The following GPRIN3 variants were observed in gnomAD, a reference collection of about 807,000 sequenced individuals.
The protein encoded by GPRIN3 is GPRIN family member 3, also known as G protein-regulated inducer of neurite outgrowth 3.
GPRIN3 carries 12 observed loss-of-function variants against 13.7 expected under a neutral mutation model. That is an observed-to-expected ratio of 0.87 (90% CI 0.56 to 1.42). GPRIN3 has a LOEUF of 1.42. GPRIN3 is among the 40% of genes most tolerant of loss of function. The probability of loss-of-function intolerance (pLI) is 0.00; values close to 1 mark genes in which losing one functional copy is unlikely to be tolerated. For synonymous variants in GPRIN3, 377 were observed against 372.7 expected (o/e 1.01, Z -0.13); for missense variants, 1,009 against 958.7 (o/e 1.05, Z -0.69).
Position 89,249,461 on chromosome 4 carries a change from C to G in GPRIN3, c.650G>C (p.Gly217Ala). The change falls in exon 2 of 2, where the codon GGT becomes GCT. Residue 217 changes from glycine to alanine, a missense_variant. Coordinates refer to ENST00000609438, the MANE Select transcript of GPRIN3 (RefSeq NM_198281.3). ...RVVSHSSSPV[G>A]GPEGERQGAI... ...TCCCTGCCTTTCCCCTTCAGGTCCACCTACAGGAGAGGATGAGTGACTGAC... is the reference window on the plus strand; with the variant it reads ...TCCCTGCCTTTCCCCTTCAGGTCCAGCTACAGGAGAGGATGAGTGACTGAC... 2 of 1,614,102 alleles carry G rather than the reference C, an allele frequency of 1.2e-6. No homozygotes were observed. Among genetic ancestry groups the G allele is most frequent in the Non-Finnish European group, 1.7e-6 (2 of 1,180,036 alleles).
At chr4:89,282,552 C>T (rs1016824032) in intron 1 of GPRIN3, among the ~76,000 whole-genome samples, 3 of 150,870 alleles carry the variant, frequency 2.0e-5, no homozygotes, top group African/African-American at 7.3e-5. Context: ...TAGCCCAACA[C>T]AAATCTGTAA....
chr4:89,236,395 C>A lies in GPRIN3; in HGVS notation c.*11385G>T, dbSNP rs1289398325. 1 of 151,930 alleles carries A rather than the reference C, an allele frequency of 6.6e-6. No homozygotes were observed. Among genetic ancestry groups the A allele is most frequent in the Non-Finnish European group, 1.5e-5 (1 of 67,996 alleles). 9.4% of individuals were successfully genotyped at this position (151,930 alleles called of 1,614,324 possible). A position where few individuals can be genotyped will look rare whatever the true frequency, so the allele number is the denominator to read the frequency against. On this transcript the variant is annotated 3_prime_UTR_variant, in exon 2 of 2. Transcript: ENST00000609438. The stretch of plus-strand genomic sequence containing the variant: ...CAAAACAAAATTCTTATTATTTATC[C>A]AGATTTATCAAAAGTTTATTAAATA...
Position 89,249,612 on chromosome 4 carries a change from G to T in GPRIN3, c.499C>A (p.Pro167Thr). Residue 167 changes from proline to threonine, a missense_variant, in exon 2 of 2, where the codon CCT becomes ACT. Pro to Thr is a conservative substitution (Grantham distance 38, BLOSUM62 -1). Transcript: ENST00000609438. Reference sequence around the variant, plus strand: ...CCCACAGGACAACTTGGTTTCTCAGGTTGCTCTCTATTTGAGGTTCTCTGT... The same window carrying T: ...CCCACAGGACAACTTGGTTTCTCAGTTTGCTCTCTATTTGAGGTTCTCTGT... ...RSQRTSNREQ[P>T]EKPSCPVGGV... 6.2e-7 allele frequency: 1 copy of T among 1,614,120 alleles called. No homozygotes were observed. Among genetic ancestry groups the T allele is most frequent in the Non-Finnish European group, 8.5e-7 (1 of 1,180,010 alleles).
chr4:89,251,841 T>C (rs959703518), intron 1 of GPRIN3, among the ~76,000 whole-genome samples: 10 of 152,048 alleles, frequency 6.6e-5, no homozygotes, highest in Non-Finnish European at 1.5e-4. Flanking sequence ...AGGTGTTAAA[T>C]AGAGGGAGAG....
rs189077052 is a variant in GPRIN3 at position 89,275,641 on chromosome 4, A to G, written c.-123-25408T>C. On this transcript the variant is annotated intron_variant, in intron 1 of 1. Coordinates refer to ENST00000609438, the MANE Select transcript of GPRIN3 (RefSeq NM_198281.3). ...ATACACTCTTGGAGGAGCAGAATGC[A>G]GCTCTCCTTCCTCCTTTCACCCATT... 1.9e-3 allele frequency among the ~76,000 whole-genome samples: 296 copies of G among 152,334 alleles called. 2 individuals carry two copies. Among genetic ancestry groups the G allele is most frequent in the African/African-American group, 6.9e-3 (287 of 41,574 alleles).
chr4:89,293,720 G>A (rs1724653804), intron 1 of GPRIN3, among the ~76,000 whole-genome samples: 1 of 152,120 alleles, frequency 6.6e-6, no homozygotes, highest in African/African-American at 2.4e-5. Flanking sequence ...CTTCCCAGTT[G>A]CCAGCTCTGC....
intron 1 of GPRIN3, among the ~76,000 whole-genome samples, chr4:89,305,793 C>A (rs1725018323): frequency 6.6e-6 from 1 of 152,196 alleles, no homozygotes; most frequent in African/African-American, 2.4e-5. Flanking sequence ...AATTAAAACA[C>A]TCAAATTTCA....
intron 1 of GPRIN3, among the ~76,000 whole-genome samples, chr4:89,300,056 A>C (rs1724852610): frequency 6.6e-6 from 1 of 152,144 alleles, no homozygotes; most frequent in Non-Finnish European, 1.5e-5. Flanking sequence ...GACTACGTTA[A>C]CTCAATTTTT....
At chr4:89,262,697 A>T (rs1472348859) in intron 1 of GPRIN3, among the ~76,000 whole-genome samples, 1 of 152,236 alleles carries the variant, frequency 6.6e-6, no homozygotes, top group East Asian at 1.9e-4. Context: ...TTCAAAGTCA[A>T]CAGCTGAGAA....
intron 1 of GPRIN3, among the ~76,000 whole-genome samples, chr4:89,294,458 C>T (rs1047293665): frequency 1.5e-4 from 23 of 152,308 alleles, no homozygotes; most frequent in African/African-American, 5.1e-4. Flanking sequence ...TAAATAAATA[C>T]TGCCATGAAG....
Position 89,241,676 on chromosome 4 carries a change from A to G in GPRIN3, c.*6104T>C, listed in dbSNP as rs1722950586. The G allele has an allele frequency of 6.6e-6, 1 of 152,188 alleles. No individual in the cohort carries two copies. The highest frequency in any genetic ancestry group is 1.5e-5 in the Non-Finnish European group (1 of 68,014). The allele number at this position is 152,188 out of a possible 1,614,324, so 9.4% of individuals were successfully genotyped here. A position where few individuals can be genotyped will look rare whatever the true frequency, so the allele number is the denominator to read the frequency against. Reference sequence around the variant, plus strand: ...TACTGCAATCTCCTGATATACCAGCATCATTTTAAGACACGATGGAAAACA... The same window carrying G: ...TACTGCAATCTCCTGATATACCAGCGTCATTTTAAGACACGATGGAAAACA... On this transcript the variant is annotated 3_prime_UTR_variant, in exon 2 of 2. Coordinates refer to ENST00000609438, the MANE Select transcript of GPRIN3 (RefSeq NM_198281.3).
intron 1 of GPRIN3, among the ~76,000 whole-genome samples, chr4:89,252,494 C>A (rs1003552397): frequency 6.6e-6 from 1 of 152,176 alleles, no homozygotes; most frequent in African/African-American, 2.4e-5. Flanking sequence ...GATTCCACTT[C>A]TTTGCACATG....
At chr4:89,260,016 A>C (rs1418123866) in intron 1 of GPRIN3, among the ~76,000 whole-genome samples, 1 of 152,148 alleles carries the variant, frequency 6.6e-6, no homozygotes, top group South Asian at 2.1e-4. Context: ...CATGTTGGCC[A>C]GGCTGGTCTC....
Position 89,237,998 on chromosome 4 carries a change from A to G in GPRIN3, c.*9782T>C, listed in dbSNP as rs1398568699. The G allele has an allele frequency of 6.6e-6, 1 of 152,206 alleles. No individual in the cohort carries two copies. The highest frequency in any genetic ancestry group is 2.4e-5 in the African/African-American group (1 of 41,442). 9.4% of individuals were successfully genotyped at this position (152,206 alleles called of 1,614,324 possible). On this transcript the variant is annotated 3_prime_UTR_variant, in exon 2 of 2. Transcript: ENST00000609438. ...AAGATCTAACTTCTCCAGGCAAGGC[A>G]TTTATATCTTTGGAAATGCATGAGG...
intron 1 of GPRIN3, among the ~76,000 whole-genome samples, chr4:89,285,042 G>A (rs542580443): frequency 1.7e-4 from 26 of 152,148 alleles, no homozygotes; most frequent in Non-Finnish European, 2.8e-4. Context: ...AACTGCTCCT[G>A]TGGCCCCACA....
intron 1 of GPRIN3, among the ~76,000 whole-genome samples, chr4:89,292,491 T>C (rs955900475): frequency 8.5e-5 from 13 of 152,178 alleles, no homozygotes; most frequent in Non-Finnish European, 1.6e-4. Context: ...GTTTTTTAGG[T>C]CAGAGAGAAG....
Position 89,248,046 on chromosome 4 carries a change from G to C in GPRIN3, c.2065C>G (p.Gln689Glu), listed in dbSNP as rs1723159183. Residue 689 changes from glutamine to glutamate, a missense_variant, in exon 2 of 2, where the codon CAG (glutamine) becomes GAG (glutamate). Gln to Glu is a conservative substitution (Grantham distance 29). Transcript: ENST00000609438. Reference sequence around the variant, plus strand: ...CCATACACTTCCCAGGTCATTCCCTGCTCATCCCACACGACGTCCCTGACA... The same window carrying C: ...CCATACACTTCCCAGGTCATTCCCTCCTCATCCCACACGACGTCCCTGACA... ...KRVRDVVWDE[Q>E]GMTWEVYGAS... is the part of the protein sequence containing the mutation. 2 of 1,613,976 alleles carry C rather than the reference G, an allele frequency of 1.2e-6. No homozygotes were observed. Among genetic ancestry groups the C allele is most frequent in the African/African-American group, 2.7e-5 (2 of 74,910 alleles).
In GPRIN3 at chr4:89,245,487, T is replaced by C. The variant is rs1407721645; in HGVS notation, c.*2293A>G. 2.0e-5 allele frequency: 3 copies of C among 152,256 alleles called. No individual in the cohort carries two copies. Among genetic ancestry groups the C allele is most frequent in the Admixed American group, 6.5e-5 (1 of 15,286 alleles). 9.4% of individuals were successfully genotyped at this position (152,256 alleles called of 1,614,324 possible). On this transcript the variant is annotated 3_prime_UTR_variant, in exon 2 of 2. Coordinates refer to ENST00000609438, the MANE Select transcript of GPRIN3 (RefSeq NM_198281.3). ...GCTTCATTTAACTGTTTACAAATCA[T>C]GTGGTTACTCTAAAGTCATGAAAAT...
At chr4:89,289,126 T>C (rs1724502846) in intron 1 of GPRIN3, among the ~76,000 whole-genome samples, 1 of 150,560 alleles carries the variant, frequency 6.6e-6, no homozygotes, top group Admixed American at 6.7e-5. Context: ...TCTTCTTTCC[T>C]GTCCTTGATA....
Sources: gnomAD v4.1 joint callset for allele counts (sites outside exome capture counted in the v4.1 genomes callset) on GRCh38, gnomAD v4.1.1 for gene constraint, MANE v1.5 for transcripts, NCBI Gene and HGNC (gene_info 2026-07-23, HGNC 2026-07-21) for gene names.